Variants in IQUB observed in about 807,000 individuals in gnomAD.
IQUB encodes the protein IQ motif and ubiquitin-like domain-containing protein.
A neutral mutation model predicts 86.4 loss-of-function variants in IQUB; 86 were observed. That is an observed-to-expected ratio of 1.00 (90% confidence interval 0.84 to 1.19). The LOEUF (loss-of-function observed/expected upper bound fraction) is 1.19, where lower values mean the gene tolerates loss of function less well. IQUB is among the 50% of genes most tolerant of loss of function. The pLI is 0.00. For synonymous variants in IQUB, 289 were observed against 304.5 expected, an observed-to-expected ratio of 0.95 and a Z score of 0.53; for missense variants, 946 against 916.9, an observed-to-expected ratio of 1.03 and a Z score of -0.41.
chr7:123,457,206 T>C lies in IQUB; in HGVS notation c.2193+175A>G. On this transcript the variant is annotated intron_variant, in intron 12 of 12. Coordinates refer to ENST00000324698, the MANE Select transcript of IQUB (RefSeq NM_178827.5). The stretch of plus-strand genomic sequence containing the variant: ...TGTTCAAATCTCTTATATATACCTT[T>C]TATTTAATCTGTGCCATATATGCCA... 4 of 968,236 alleles carry C rather than the reference T, an allele frequency of 4.1e-6. No individual in the cohort carries two copies. The South Asian group carries it at 1.4e-4, about 35-fold the overall frequency. 60.0% of individuals were successfully genotyped at this position (968,236 alleles called of 1,614,324 possible).
At chr7:123,508,542 T>C (rs529166055) in intron 3 of IQUB, among the ~76,000 whole-genome samples, 1 of 152,328 alleles carries the variant, frequency 6.6e-6, no homozygotes, top group African/African-American at 2.4e-5. Context: ...CAAGCTCTTT[T>C]GTAATTCCTG....
intron 8 of IQUB, among the ~76,000 whole-genome samples, chr7:123,476,256 C>A (rs1794740025): frequency 6.6e-6 from 1 of 152,144 alleles, no homozygotes; most frequent in Non-Finnish European, 1.5e-5. Context: ...ATACTACAGG[C>A]TAGAGTAGGT....
intron 7 of IQUB, among the ~76,000 whole-genome samples, chr7:123,493,942 T>C (rs1292877602): frequency 1.3e-5 from 2 of 152,014 alleles, no homozygotes; most frequent in Non-Finnish European, 2.9e-5. Flanking sequence ...GGCACATCCA[T>C]GCAATGGCAT....
chr7:123,510,037 T>C lies in IQUB; in HGVS notation c.398-2A>G. ...CCACTGGAATAAGTACAACTTTTACTGTAAATTAAATAGAAAAGAAAGAAT... is the reference window on the plus strand; with the variant it reads ...CCACTGGAATAAGTACAACTTTTACCGTAAATTAAATAGAAAAGAAAGAAT... On this transcript the variant is annotated splice_acceptor_variant, in intron 2 of 12. Transcript: ENST00000324698. LOFTEE classifies it high-confidence loss of function. 2.6e-6 allele frequency: 4 copies of C among 1,533,758 alleles called. No homozygotes were observed. The highest frequency in any genetic ancestry group is 1.2e-5 in the South Asian group (1 of 85,048).
At chr7:123,513,944 C>G (rs1796538643) in intron 1 of IQUB, among the ~76,000 whole-genome samples, 1 of 152,174 alleles carries the variant, frequency 6.6e-6, no homozygotes, top group Admixed American at 6.5e-5. Flanking sequence ...CCATGATACC[C>G]AGCCAGGAAA....
chr7:123,529,313 A>AATACTATTTTATG (rs910084907), intron 1 of IQUB, among the ~76,000 whole-genome samples: 1 of 151,934 alleles, frequency 6.6e-6, no homozygotes, highest in African/African-American at 2.4e-5. Context: ...TTTAAACTTT[A>AATACTATTTTATG]ATACTATTTT....
In IQUB at chr7:123,525,444, C is replaced by T. The variant is rs563180662; in HGVS notation, c.-5+9048G>A. On this transcript the variant is annotated intron_variant, in intron 1 of 12. Transcript: ENST00000324698. The stretch of plus-strand genomic sequence containing the variant: ...TTTAGTCTTGGGAGAGTGTATGTGT[C>T]CAGGAATTTATCCATTTCTTCTAGA... Among the ~76,000 whole-genome samples the T allele has an allele frequency of 1.6e-3, 244 of 152,178 alleles. 2 individuals carry two copies. Among genetic ancestry groups the T allele is most frequent in the African/African-American group, 5.8e-3 (239 of 41,504 alleles).
rs565234057 is a variant in IQUB, at chr7:123,519,876, G to A, written c.-4-7532C>T. Among the ~76,000 whole-genome samples, 29 of 152,214 alleles carry A rather than the reference G, an allele frequency of 1.9e-4. 1 individual carries two copies. The highest frequency in any genetic ancestry group is 4.6e-4 in the African/African-American group (19 of 41,532). ...TTTGATTATTACAAATTGTATGCAC[G>A]TATCAAATATCACAGTTGCTCAATA... On this transcript the variant is annotated intron_variant, in intron 1 of 12. Coordinates refer to ENST00000324698, the MANE Select transcript of IQUB (RefSeq NM_178827.5).
At chr7:123,522,771 T>C (rs1295816548) in intron 1 of IQUB, among the ~76,000 whole-genome samples, 4 of 152,096 alleles carry the variant, frequency 2.6e-5, no homozygotes, top group Non-Finnish European at 5.9e-5. Flanking sequence ...CTTACATATG[T>C]ATACGTGTGA....
chr7:123,481,113 T>G (rs780218005), intron 7 of IQUB, among the ~76,000 whole-genome samples: 2 of 152,112 alleles, frequency 1.3e-5, no homozygotes, highest in Non-Finnish European at 2.9e-5. Context: ...GAAAGTATCC[T>G]TCTCTTAGCA....
chr7:123,514,674 G>C (rs530058223), intron 1 of IQUB, among the ~76,000 whole-genome samples: 160 of 152,156 alleles, frequency 1.1e-3, no homozygotes, highest in Non-Finnish European at 1.5e-3. Flanking sequence ...GTGAAGTCTG[G>C]GCTTTTATTG....
At chr7:123,499,140 T>G (rs1178843954) in intron 6 of IQUB, among the ~76,000 whole-genome samples, 1 of 152,044 alleles carries the variant, frequency 6.6e-6, no homozygotes. Context: ...TTAGGCGAAG[T>G]CTCACTGTCA....
chr7:123,464,891 A>G lies in IQUB; in HGVS notation c.1700T>C (p.Leu567Pro), dbSNP rs937175200. The change falls in exon 10 of 13, where the codon CTC (leucine) becomes CCC (proline). Residue 567 changes from leucine to proline, a missense_variant. Leu to Pro is a moderately conservative substitution (Grantham distance 98, BLOSUM62 -3). Coordinates refer to ENST00000324698, the MANE Select transcript of IQUB (RefSeq NM_178827.5). ...LEGLRKRIAT[L>P]FFHYIKTPLF... ...AGGTGTTTTGATATAATGAAAAAAG[A>G]GTGTCGCAATTCTTTTTCTGAGTCC... is the stretch of plus-strand genomic sequence containing the variant. 6.2e-7 allele frequency: 1 copy of G among 1,607,460 alleles called. No homozygotes were observed. The highest frequency in any genetic ancestry group is 1.7e-5 in the Admixed American group (1 of 58,728).
chr7:123,465,638 T>G (rs1041505010), intron 9 of IQUB, among the ~76,000 whole-genome samples: 1 of 152,086 alleles, frequency 6.6e-6, no homozygotes, highest in East Asian at 1.9e-4. Flanking sequence ...GTCCTCCAAT[T>G]GCCCAAGGGA....
chr7:123,509,935 A>G lies in IQUB; in HGVS notation c.498T>C (p.Gly166=). The G allele has an allele frequency of 1.2e-6, 2 of 1,609,524 alleles. No individual in the cohort carries two copies. The highest frequency in any genetic ancestry group is 1.7e-6 in the Non-Finnish European group (2 of 1,177,986). Reference sequence around the variant, plus strand: ...TTATCTGCAGTACAGAATGTGGGATACCTAATAAGTGTGAAAAATGGTCCT... The same window carrying G: ...TTATCTGCAGTACAGAATGTGGGATGCCTAATAAGTGTGAAAAATGGTCCT... ...YLKDHFSHLL[G]IPHSVLQIRY... The change falls in exon 3 of 13, where the codon GGT becomes GGC. Residue 166 remains glycine (G), a synonymous_variant. Transcript: ENST00000324698.
At chr7:123,511,621 C>T (rs914831208) in intron 2 of IQUB, among the ~76,000 whole-genome samples, 1 of 152,118 alleles carries the variant, frequency 6.6e-6, no homozygotes, top group Non-Finnish European at 1.5e-5. Context: ...TAAAATAATT[C>T]CCATTTTAGT....
At chr7:123,475,627 T>C (rs1794715833) in intron 8 of IQUB, among the ~76,000 whole-genome samples, 2 of 152,162 alleles carry the variant, frequency 1.3e-5, no homozygotes, top group Admixed American at 6.6e-5. Context: ...TATACAACAA[T>C]AGAATTTTAA....
chr7:123,526,376 C>A (rs7384349), intron 1 of IQUB, among the ~76,000 whole-genome samples: 40,550 of 151,828 alleles, frequency 0.27, 5,735 homozygotes, highest in Middle Eastern at 0.36. Flanking sequence ...CTTTATGAAT[C>A]TGGGTGCTCC....
chr7:123,477,763 C>T, intron 8 of IQUB, among the ~76,000 whole-genome samples: 1 of 152,086 alleles, frequency 6.6e-6, no homozygotes, highest in East Asian at 1.9e-4. Flanking sequence ...CAAACAACCC[C>T]ATCAAAAAGT....
Sources: gnomAD v4.1 joint callset for allele counts (sites outside exome capture counted in the v4.1 genomes callset) on GRCh38, gnomAD v4.1.1 for gene constraint, MANE v1.5 for transcripts, NCBI Gene and HGNC (gene_info 2026-07-23, HGNC 2026-07-21) for gene names.